Variants in SLC12A5 observed in about 807,000 individuals in gnomAD.
The protein encoded by SLC12A5 is K-Cl cotransporter 2.
A neutral mutation model predicts 124.0 loss-of-function variants in SLC12A5; 18 were observed. The observed-to-expected ratio is 0.15, with a 90% CI of 0.10 to 0.22. SLC12A5 has a LOEUF of 0.22. SLC12A5 is among the 10% of genes least tolerant of loss of function. The probability of loss-of-function intolerance (pLI) is 1.00; values close to 1 mark genes in which losing one functional copy is unlikely to be tolerated. For synonymous variants in SLC12A5, 589 were observed against 568.0 expected (o/e 1.04, Z -0.53); for missense variants, 867 against 1,478.7 (o/e 0.59, Z 6.78).
chr20:46,045,856 A>G lies in SLC12A5; in HGVS notation c.1570-22A>G, dbSNP rs778140184. On this transcript the variant is annotated intron_variant, in intron 12 of 25. Transcript: ENST00000243964. This position sits in a 1 kb window ranked among gnomAD's most constrained non-coding sequence, Gnocchi z 4.9. ...GAGAAATCCTTGAGGTCTCAGTCCC[A>G]TGATGATTGCTCTTTCCCCAGGTCT... 3.1e-6 allele frequency: 5 copies of G among 1,606,322 alleles called. No homozygotes were observed. Among genetic ancestry groups the G allele is most frequent in the East Asian group, 4.5e-5 (2 of 44,816 alleles).
rs2084736478 is a variant in SLC12A5 at position 46,059,744 on chromosome 20, T to C, written c.*2139T>C. On this transcript the variant is annotated 3_prime_UTR_variant, in exon 26 of 26. Transcript: ENST00000243964. ...AAGTTATCTTTATAATCACTGTAGT[T>C]AGATGTTTCATGTCCATTCAAGTGA... is the stretch of plus-strand genomic sequence containing the variant. The C allele has an allele frequency of 5.0e-6, 2 of 398,710 alleles. No individual in the cohort carries two copies. The highest frequency in any genetic ancestry group is 8.9e-6 in the Non-Finnish European group (2 of 225,908). The allele number at this position is 398,710 out of a possible 1,614,324, so 24.7% of individuals were successfully genotyped here. A position where few individuals can be genotyped will look rare whatever the true frequency, so the allele number is the denominator to read the frequency against.
chr20:46,043,574 T>G, intron 9 of SLC12A5, 59 bp from the exon 10 acceptor site: 2 of 1,564,266 alleles, frequency 1.3e-6, no homozygotes, highest in Non-Finnish European at 8.8e-7. Context: ...CCCTTTTTTC[T>G]CATCTGTCTG....
In SLC12A5 at chr20:46,056,443, G is replaced by A. The variant is rs2084695025; in HGVS notation, c.2989G>A (p.Gly997Arg). ...PSPGEEPEGE[G>R]ETDPEKVHLT... is the part of the protein sequence containing the mutation. ...CCCAGGGGAGGAGCCTGAGGGGGAA[G>A]GGGAGACAGATCCGGAGAAGGTGCA... Residue 997 changes from glycine (G) to arginine (R), a missense_variant, in exon 23 of 26, where the codon GGG becomes AGG. Physicochemically the swap from Gly to Arg is moderately radical, Grantham distance 125 (BLOSUM62 -2). Around this residue, in one of 9 missense-constraint regions of SLC12A5, gnomAD observed 180 missense variants for 243.6 expected, o/e 0.74. Coordinates refer to ENST00000243964, the MANE Select transcript of SLC12A5 (RefSeq NM_020708.5). The surrounding 1 kb of genome is among the most constrained non-coding windows in gnomAD (Gnocchi z 4.3). 15 of 1,614,104 alleles carry A rather than the reference G, an allele frequency of 9.3e-6. No individual in the cohort carries two copies. The highest frequency in any genetic ancestry group is 2.5e-6 in the Non-Finnish European group (3 of 1,179,982).
intron 11 of SLC12A5, among the ~76,000 whole-genome samples, chr20:46,044,548 G>A (rs555882457): frequency 6.6e-6 from 1 of 152,192 alleles, no homozygotes; most frequent in South Asian, 2.1e-4. Flanking sequence ...GCAATGGGGA[G>A]CCAGGGTGGA....
chr20:46,046,463 C>A (rs758973800), intron 14 of SLC12A5, 27 bp downstream of exon 14: 1 of 1,599,162 alleles, frequency 6.3e-7, no homozygotes, highest in Middle Eastern at 1.7e-4. Context: ...CACACTTCCA[C>A]TGAGCCACTT....
Position 46,059,706 on chromosome 20 carries a change from C to G in SLC12A5, c.*2101C>G, listed in dbSNP as rs958201077. The G allele has an allele frequency of 2.5e-6, 1 of 399,054 alleles. No individual in the cohort carries two copies. 24.7% of individuals were successfully genotyped at this position (399,054 alleles called of 1,614,324 possible). ...GCAATATTTGTTATGAATGTTATCA[C>G]AAGTCATTCATCAAGTTATCTTTAT... is the stretch of plus-strand genomic sequence containing the variant. On this transcript the variant is annotated 3_prime_UTR_variant, in exon 26 of 26. Coordinates refer to ENST00000243964, the MANE Select transcript of SLC12A5 (RefSeq NM_020708.5).
intron 7 of SLC12A5, 141 bp from the exon 8 acceptor site, chr20:46,041,188 A>C: frequency 6.2e-6 from 4 of 649,472 alleles, no homozygotes; most frequent in Non-Finnish European, 5.1e-6. Flanking sequence ...GCCAATGGCC[A>C]GGCTTCATTT....
At chr20:46,036,816 G>C in intron 5 of SLC12A5, 21 bp downstream of exon 5, 2 of 1,613,682 alleles carry the variant, frequency 1.2e-6, no homozygotes, top group Non-Finnish European at 1.7e-6. Context: ...GGGGCTTTGT[G>C]GGGAGGGAGG....
chr20:46,043,600 G>A (rs375600347), intron 9 of SLC12A5, 33 bp from the exon 10 acceptor site: 1 of 1,610,400 alleles, frequency 6.2e-7, no homozygotes, highest in Non-Finnish European at 8.5e-7. Context: ...CTGTGGCCCT[G>A]GCTTGAGTCC....
Position 46,053,280 on chromosome 20 carries a change from C to A in SLC12A5, c.2547+154C>A, listed in dbSNP as rs1007337919. 6.6e-6 allele frequency among the ~76,000 whole-genome samples: 1 copy of A among 152,234 alleles called. No homozygotes were observed. Among genetic ancestry groups the A allele is most frequent in the Non-Finnish European group, 1.5e-5 (1 of 68,044 alleles). ...CCCTGTAAACTCCTGGGAAAGGGAT[C>A]TGCTGACCTACTTCATTCTGAGATG... is the stretch of plus-strand genomic sequence containing the variant. On this transcript the variant is annotated intron_variant, in intron 19 of 25. Transcript: ENST00000243964. The surrounding 1 kb of genome is among the most constrained non-coding windows in gnomAD (Gnocchi z 4.7).
intron 4 of SLC12A5, 26 bp from the exon 5 acceptor site, chr20:46,036,715 C>G (rs114573156): frequency 1.9e-6 from 3 of 1,613,266 alleles, no homozygotes; most frequent in Non-Finnish European, 2.5e-6. Flanking sequence ...CCCCAGCCAC[C>G]GCTCTGATGA....
chr20:46,056,506 A>G lies in SLC12A5; in HGVS notation c.3052A>G (p.Asn1018Asp), dbSNP rs1487995250. The G allele has an allele frequency of 6.2e-7, 1 of 1,614,056 alleles. No homozygotes were observed. The highest frequency in any genetic ancestry group is 2.2e-5 in the East Asian group (1 of 44,872). The change falls in exon 23 of 26, where the codon AAT (asparagine) becomes GAT (aspartate). Residue 1018 changes from asparagine (N) to aspartate (D), a missense_variant. This residue lies in a region of SLC12A5 where 180 missense variants were observed against 243.6 expected (regional missense o/e 0.74). Coordinates refer to ENST00000243964, the MANE Select transcript of SLC12A5 (RefSeq NM_020708.5). This position sits in a 1 kb window ranked among gnomAD's most constrained non-coding sequence, Gnocchi z 4.3. ...CAAGGACAAGTCGGTGGCAGAGAAGAATAAGGGCCCCAGTCCTGTCTCCTC... is the reference window on the plus strand; with the variant it reads ...CAAGGACAAGTCGGTGGCAGAGAAGGATAAGGGCCCCAGTCCTGTCTCCTC... ...WTKDKSVAEK[N>D]KGPSPVSSEG... is the part of the protein sequence containing the mutation.
chr20:46,027,492 T>C (rs1434319235), upstream of SLC12A5, among the ~76,000 whole-genome samples: 1 of 152,234 alleles, frequency 6.6e-6, no homozygotes, highest in Non-Finnish European at 1.5e-5. Flanking sequence ...TCTCCAGGGA[T>C]ATGAATGGCT....
chr20:46,047,702 T>C (rs985590045), intron 15 of SLC12A5, 129 bp downstream of exon 15: 4 of 1,219,396 alleles, frequency 3.3e-6, no homozygotes, highest in African/African-American at 3.0e-5. Flanking sequence ...AGGATGGGGC[T>C]GGAGTAGAGG....
At chr20:46,039,731 T>C (rs6032629) in intron 6 of SLC12A5, among the ~76,000 whole-genome samples, 139,506 of 152,012 alleles carry the variant, frequency 0.92, 64,352 homozygotes, top group Middle Eastern at 0.96. Context: ...GCCAAGATCG[T>C]GCCACTGCAC....
Position 46,057,161 on chromosome 20 carries a change from C to T in SLC12A5, c.3126-9C>T, listed in dbSNP as rs763829317. On this transcript the variant is annotated splice_polypyrimidine_tract_variant and intron_variant, in intron 24 of 25. Transcript: ENST00000243964. This position sits in a 1 kb window ranked among gnomAD's most constrained non-coding sequence, Gnocchi z 7.1. ...CTCACGCGGTCTCCACTCCTCCTTC[C>T]TGCCGCAGGAACCAGTCCAACGTGC... is the stretch of plus-strand genomic sequence containing the variant. 2 of 1,613,998 alleles carry T rather than the reference C, an allele frequency of 1.2e-6. No homozygotes were observed. The highest frequency in any genetic ancestry group is 2.2e-5 in the South Asian group (2 of 91,080).
intron 1 of SLC12A5, chr20:46,022,063 A>C: frequency 6.1e-6 from 4 of 652,280 alleles, no homozygotes; most frequent in East Asian, 6.1e-5. Flanking sequence ...GGGCCGCGGA[A>C]CGCAAAGTGT....
In SLC12A5 at chr20:46,035,326, C is replaced by T. The variant is rs1171092524; in HGVS notation, c.148-78C>T. ...ATAGTTTCGTGCTCCTTGTCCCCATCTCTTCCTCTGCCCTTCGCCACCCAG... is the reference window on the plus strand; with the variant it reads ...ATAGTTTCGTGCTCCTTGTCCCCATTTCTTCCTCTGCCCTTCGCCACCCAG... On this transcript the variant is annotated intron_variant, in intron 2 of 25. Transcript: ENST00000243964. 2.8e-5 allele frequency: 43 copies of T among 1,539,366 alleles called. 1 individual carries two copies. Among genetic ancestry groups the T allele is most frequent in the Middle Eastern group, 4.3e-4 (2 of 4,626 alleles).
At position 46,057,425 on chromosome 20, in the gene SLC12A5, G is replaced by T. The variant is rs1480093147; in HGVS notation, c.3260-89G>T. 3 of 1,599,414 alleles carry T rather than the reference G, an allele frequency of 1.9e-6. No homozygotes were observed. In the East Asian group the frequency reaches 6.7e-5, roughly 36 times the overall value. On this transcript the variant is annotated intron_variant, in intron 25 of 25. Coordinates refer to ENST00000243964, the MANE Select transcript of SLC12A5 (RefSeq NM_020708.5). This position sits in a 1 kb window ranked among gnomAD's most constrained non-coding sequence, Gnocchi z 7.1. ...GGATCAGCACCTCGGACAGGGACAC[G>T]GGCGCGAGAGGTCCCCTGGCAGCCG...
Sources: allele counts gnomAD v4.1 joint callset (sites outside exome capture counted in the v4.1 genomes callset), GRCh38; gene constraint gnomAD v4.1.1; regional missense constraint gnomAD v4.1.1; non-coding constraint Gnocchi (gnomAD v3.1); transcripts MANE v1.5; gene names NCBI Gene and HGNC (gene_info 2026-07-23, HGNC 2026-07-21).